Variants in ZNF532 observed in about 807,000 individuals in gnomAD.
ZNF532 encodes the protein zinc finger protein 532.
In ZNF532, 22 loss-of-function variants were observed where a neutral mutation model predicts 89.3. The ratio of observed to expected loss-of-function variants is 0.25; its 90% CI spans 0.18 to 0.35. ZNF532 has a LOEUF of 0.35. Among genes scored for constraint, ZNF532 ranks in the 10% least tolerant of loss-of-function variants. The probability of loss-of-function intolerance (pLI) is 1.00; values close to 1 mark genes in which losing one functional copy is unlikely to be tolerated. For missense variants in ZNF532, 1,132 were observed against 1,643.4 expected (o/e 0.69, Z 5.38); for synonymous variants, 606 against 649.6 (o/e 0.93, Z 1.02).
chr18:58,921,253 G>A (rs986904647), intron 3 of ZNF532, among the ~76,000 whole-genome samples: 2 of 152,096 alleles, frequency 1.3e-5, no homozygotes, highest in Admixed American at 6.5e-5. Context: ...GAGATTTAGC[G>A]GATTATAGTG....
chr18:58,963,093 T>C (rs1489514443), intron 7 of ZNF532, among the ~76,000 whole-genome samples: 6 of 152,172 alleles, frequency 3.9e-5, no homozygotes, highest in Non-Finnish European at 7.3e-5. Flanking sequence ...ATCTCAAGTG[T>C]ATTTGTTTAA....
intron 9 of ZNF532, among the ~76,000 whole-genome samples, chr18:58,981,901 G>A (rs948286980): frequency 1.3e-5 from 2 of 151,042 alleles, no homozygotes; most frequent in Non-Finnish European, 2.9e-5. Flanking sequence ...CTACTCAGGA[G>A]GCTGAGGCAG....
chr18:58,900,212 A>G (rs945081485), intron 2 of ZNF532, among the ~76,000 whole-genome samples: 1 of 152,192 alleles, frequency 6.6e-6, no homozygotes, highest in African/African-American at 2.4e-5. Flanking sequence ...AGCTGGACTC[A>G]TCGGAGGATC....
At chr18:58,946,776 T>G (rs1183472750) in intron 5 of ZNF532, among the ~76,000 whole-genome samples, 1 of 152,152 alleles carries the variant, frequency 6.6e-6, no homozygotes, top group Admixed American at 6.5e-5. Flanking sequence ...CCAAGGGTAC[T>G]TGTGCTCTGC....
intron 3 of ZNF532, among the ~76,000 whole-genome samples, chr18:58,924,589 T>C (rs1209089551): frequency 6.6e-6 from 1 of 152,226 alleles, no homozygotes; most frequent in South Asian, 2.1e-4. Flanking sequence ...CTTTTTCTTT[T>C]GAGATAATTG....
intron 2 of ZNF532, among the ~76,000 whole-genome samples, chr18:58,913,060 C>G (rs2060378625): frequency 6.6e-6 from 1 of 152,164 alleles, no homozygotes; most frequent in South Asian, 2.1e-4. Flanking sequence ...AAATAGGTTT[C>G]CCTGATATGC....
chr18:58,913,171 G>A (rs1328848577), intron 2 of ZNF532, among the ~76,000 whole-genome samples: 2 of 152,240 alleles, frequency 1.3e-5, no homozygotes, highest in Admixed American at 1.3e-4. Flanking sequence ...AATGTGCAGA[G>A]CCTTGGAAAT....
At chr18:58,955,376 T>C (rs1422341205) in intron 7 of ZNF532, among the ~76,000 whole-genome samples, 1 of 152,234 alleles carries the variant, frequency 6.6e-6, no homozygotes, top group African/African-American at 2.4e-5. Context: ...CTGAGATTGA[T>C]TAGTGGGTTC....
intron 2 of ZNF532, among the ~76,000 whole-genome samples, chr18:58,893,880 C>T (rs1228268748): frequency 6.6e-6 from 1 of 152,114 alleles, no homozygotes; most frequent in African/African-American, 2.4e-5. Flanking sequence ...CTCGTTTTTA[C>T]CTGACTGTGG....
intron 2 of ZNF532, among the ~76,000 whole-genome samples, chr18:58,882,989 T>G (rs1048517329): frequency 3.9e-5 from 6 of 152,224 alleles, no homozygotes. Flanking sequence ...GAACCCCTTC[T>G]TCCCCTTTCT....
At position 58,908,572 on chromosome 18, in the gene ZNF532, G is replaced by A. The variant is rs140919661; in HGVS notation, c.-17-9699G>A. Among the ~76,000 whole-genome samples the A allele has an allele frequency of 8.7e-4, 132 of 152,308 alleles. 1 individual carries two copies. The East Asian group carries it at 0.02, about 23-fold the overall frequency. ...AATAGGAAAAGTGAAATACAGTAAG[G>A]CATCTTTTTGTTGCCTTTGATATTA... On this transcript the variant is annotated intron_variant, in intron 2 of 9. Coordinates refer to ENST00000591808, the MANE Select transcript of ZNF532 (RefSeq NM_001375912.1).
chr18:58,976,262 T>C (rs529273411), intron 7 of ZNF532, among the ~76,000 whole-genome samples: 1 of 152,248 alleles, frequency 6.6e-6, no homozygotes, highest in Non-Finnish European at 1.5e-5. Flanking sequence ...GAAGGATGTC[T>C]CTCTCACATT....
intron 2 of ZNF532, among the ~76,000 whole-genome samples, chr18:58,913,905 G>C (rs1443257065): frequency 6.6e-6 from 1 of 152,198 alleles, no homozygotes; most frequent in Non-Finnish European, 1.5e-5. Context: ...AGAGGAGGCA[G>C]ACCTTGGCTG....
intron 2 of ZNF532, among the ~76,000 whole-genome samples, chr18:58,911,807 A>T (rs1414787417): frequency 6.6e-6 from 1 of 152,198 alleles, no homozygotes; most frequent in Admixed American, 6.5e-5. Context: ...CACGCCCTCA[A>T]TTTCCCTGGA....
At chr18:58,871,834 A>G (rs1291716433) in intron 2 of ZNF532, among the ~76,000 whole-genome samples, 1 of 152,220 alleles carries the variant, frequency 6.6e-6, no homozygotes, top group Non-Finnish European at 1.5e-5. Flanking sequence ...GAAAAGACTT[A>G]TTTTATTGGG....
intron 2 of ZNF532, among the ~76,000 whole-genome samples, chr18:58,885,963 A>G (rs2058275450): frequency 6.6e-6 from 1 of 151,642 alleles, no homozygotes; most frequent in Admixed American, 6.6e-5. Context: ...GAGCCTTTCT[A>G]TGAATTTTAC....
intron 2 of ZNF532, among the ~76,000 whole-genome samples, chr18:58,876,758 C>T (rs1334018694): frequency 2.0e-5 from 3 of 152,152 alleles, no homozygotes; most frequent in African/African-American, 7.2e-5. Context: ...CTTAGGTCAG[C>T]ACAGACAAGT....
At chr18:58,867,406 T>TG (rs1235090422) in intron 2 of ZNF532, among the ~76,000 whole-genome samples, 2 of 152,216 alleles carry the variant, frequency 1.3e-5, no homozygotes, top group African/African-American at 4.8e-5. Flanking sequence ...GCTGGTTCTC[T>TG]GGGGCGGGAG....
intron 7 of ZNF532, among the ~76,000 whole-genome samples, chr18:58,959,627 GTA>G (rs1465515425): frequency 1.3e-5 from 2 of 152,122 alleles, no homozygotes; most frequent in African/African-American, 4.8e-5. Context: ...GGAGACTTGG[GTA>G]TATATTCTGG....
Sources: allele counts gnomAD v4.1 joint callset (sites outside exome capture counted in the v4.1 genomes callset), GRCh38; gene constraint gnomAD v4.1.1; transcripts MANE v1.5; gene names NCBI Gene and HGNC (gene_info 2026-07-23, HGNC 2026-07-21).